Variants in WDPCP observed in about 807,000 individuals in gnomAD.
WDPCP encodes WD repeat containing planar cell polarity effector, also known as WD repeat-containing and planar cell polarity effector protein fritz homolog.
Under a neutral mutation model 93.1 loss-of-function variants are expected in WDPCP, and 71 were observed. The ratio of observed to expected loss-of-function variants is 0.76; its 90% CI spans 0.63 to 0.93. The LOEUF is 0.93. Ranked by LOEUF, WDPCP falls within the 40% of genes least tolerant of loss-of-function variation. The pLI, the probability that WDPCP is intolerant of heterozygous loss-of-function variation, is 0.00. For missense variants in WDPCP, 844 were observed against 887.4 expected (o/e 0.95, Z 0.62); for synonymous variants, 315 against 315.0 (o/e 1.00, Z 0.00).
In WDPCP at chr2:63,437,471, A is replaced by G. The variant is rs2105500317; in HGVS notation, c.583T>C (p.Ser195Pro). 1 of 1,603,166 alleles carries G rather than the reference A, an allele frequency of 6.2e-7. No homozygotes were observed. Among genetic ancestry groups the G allele is most frequent in the Non-Finnish European group, 8.5e-7 (1 of 1,175,150 alleles). The change falls in exon 8 of 18, where the codon TCT becomes CCT. Residue 195 changes from serine (S) to proline (P), a missense_variant. By Grantham distance (74) the Ser-to-Pro change is moderately conservative. Transcript: ENST00000272321. ...TCCAGTCTTTTGTTTACATCAGAAGACTCCATCTTCTTGGTAAACTGAATA... is the reference window on the plus strand; with the variant it reads ...TCCAGTCTTTTGTTTACATCAGAAGGCTCCATCTTCTTGGTAAACTGAATA... ...CFIQFTKKMESSDVNKRLEKL... is the reference protein window; with the variant it reads ...CFIQFTKKMEPSDVNKRLEKL...
At chr2:63,279,137 A>T (rs1212702511) in intron 13 of WDPCP, among the ~76,000 whole-genome samples, 1 of 152,096 alleles carries the variant, frequency 6.6e-6, no homozygotes, top group East Asian at 1.9e-4. Flanking sequence ...ATTCTATGAA[A>T]CCAGTATCAC....
intron 1 of WDPCP, among the ~76,000 whole-genome samples, chr2:63,515,329 T>C (rs1248081845): frequency 6.6e-6 from 1 of 152,172 alleles, no homozygotes; most frequent in Non-Finnish European, 1.5e-5. Flanking sequence ...ATTTACAAAA[T>C]TGATATCTGA....
chr2:63,706,981 T>C (rs1451150288), intron 2 of WDPCP, among the ~76,000 whole-genome samples: 1 of 152,214 alleles, frequency 6.6e-6, no homozygotes, highest in African/African-American at 2.4e-5. Context: ...TTGTAGAGTT[T>C]CTGCCGAGAG....
intron 1 of WDPCP, among the ~76,000 whole-genome samples, chr2:63,493,714 AT>A (rs1438826885): frequency 2.6e-5 from 4 of 152,136 alleles, no homozygotes; most frequent in African/African-American, 9.6e-5. Flanking sequence ...AAAGGTCAAC[AT>A]TTTACAAAAG....
chr2:63,284,495 TA>T (rs1161550955), intron 13 of WDPCP, among the ~76,000 whole-genome samples: 6 of 152,240 alleles, frequency 3.9e-5, no homozygotes, highest in Non-Finnish European at 1.5e-5. Context: ...TTAAGCACTT[TA>T]AAAAGGTTTC....
chr2:63,613,205 G>T (rs908517331), intron 3 of WDPCP, among the ~76,000 whole-genome samples: 21 of 152,208 alleles, frequency 1.4e-4, no homozygotes, highest in African/African-American at 4.3e-4. Flanking sequence ...AAAATCCCAA[G>T]AACTTTTGTC....
intron 2 of WDPCP, among the ~76,000 whole-genome samples, chr2:63,778,657 C>T (rs962414069): frequency 6.6e-6 from 1 of 152,184 alleles, no homozygotes; most frequent in African/African-American, 2.4e-5. Flanking sequence ...TTCAAACTTA[C>T]AACACACTGA....
chr2:63,258,886 C>T (rs1035778188), intron 14 of WDPCP, among the ~76,000 whole-genome samples: 1 of 152,036 alleles, frequency 6.6e-6, no homozygotes, highest in Non-Finnish European at 1.5e-5. Flanking sequence ...AAACAATCAC[C>T]CATCAAACCC....
chr2:63,764,925 TA>T (rs1670115271), intron 2 of WDPCP, among the ~76,000 whole-genome samples: 1 of 152,100 alleles, frequency 6.6e-6, no homozygotes, highest in Non-Finnish European at 1.5e-5. Flanking sequence ...ACATGGTAAA[TA>T]AAAAATTGAA....
At chr2:63,707,693 G>A (rs1458990584) in intron 2 of WDPCP, among the ~76,000 whole-genome samples, 2 of 152,202 alleles carry the variant, frequency 1.3e-5, no homozygotes, top group Non-Finnish European at 2.9e-5. Flanking sequence ...TTTGGAGGAG[G>A]AGAGGCACTC....
chr2:63,597,554 T>C, intron 3 of WDPCP: 1 of 1,429,658 alleles, frequency 7.0e-7, no homozygotes, highest in Non-Finnish European at 9.3e-7. Context: ...CTTAGATAAA[T>C]ACGCCAAGAA....
chr2:63,480,359 A>C (rs575473324), intron 6 of WDPCP, among the ~76,000 whole-genome samples: 12 of 152,172 alleles, frequency 7.9e-5, no homozygotes, highest in Admixed American at 7.9e-4. Flanking sequence ...TACCACCACC[A>C]TTCTTCACAG....
intron 15 of WDPCP, among the ~76,000 whole-genome samples, chr2:63,155,982 C>T (rs932466440): frequency 3.3e-5 from 5 of 152,038 alleles, no homozygotes; most frequent in African/African-American, 9.7e-5. Flanking sequence ...TGAGTCCAAA[C>T]CGTAAACACG....
At chr2:63,210,877 T>A (rs773452440) in intron 14 of WDPCP, among the ~76,000 whole-genome samples, 149 of 152,116 alleles carry the variant, frequency 9.8e-4, no homozygotes, top group Admixed American at 2.0e-3. Context: ...CAGTCTGAGA[T>A]CAAACTGCAA....
At chr2:63,346,393 A>G (rs1441249967) in intron 12 of WDPCP, among the ~76,000 whole-genome samples, 1 of 152,178 alleles carries the variant, frequency 6.6e-6, no homozygotes, top group Non-Finnish European at 1.5e-5. Flanking sequence ...AGACCTATTC[A>G]GCCAATAGGT....
chr2:63,413,477 C>A (rs963752636), intron 9 of WDPCP, among the ~76,000 whole-genome samples: 2 of 152,086 alleles, frequency 1.3e-5, no homozygotes, highest in African/African-American at 4.8e-5. Context: ...GATTTCATGA[C>A]CAAGAACCCG....
At chr2:63,368,032 T>C (rs1333624117) in intron 12 of WDPCP, among the ~76,000 whole-genome samples, 3 of 152,180 alleles carry the variant, frequency 2.0e-5, no homozygotes, top group Admixed American at 2.0e-4. Context: ...TTTCCAGGTA[T>C]TGACAAAACT....
At chr2:63,786,975 CTG>C (rs1294637996) in intron 2 of WDPCP, among the ~76,000 whole-genome samples, 1 of 152,160 alleles carries the variant, frequency 6.6e-6, no homozygotes, top group African/African-American at 2.4e-5. Flanking sequence ...GAACGAATGA[CTG>C]AGACAATATG....
chr2:63,579,067 T>C (rs1274360530), intron 1 of WDPCP, among the ~76,000 whole-genome samples: 1 of 152,168 alleles, frequency 6.6e-6, no homozygotes, highest in African/African-American at 2.4e-5. Flanking sequence ...CCTTACGTTC[T>C]CCAGAAAATA....
Sources: gnomAD v4.1 joint callset for allele counts (sites outside exome capture counted in the v4.1 genomes callset) on GRCh38, gnomAD v4.1.1 for gene constraint, MANE v1.5 for transcripts, NCBI Gene and HGNC (gene_info 2026-07-23, HGNC 2026-07-21) for gene names.